HHAT: variants seen among roughly 807,000 people sequenced by gnomAD.
The protein encoded by HHAT is protein-cysteine N-palmitoyltransferase HHAT.
HHAT carries 47 observed loss-of-function variants against 70.8 expected under a neutral mutation model. That is an observed-to-expected ratio of 0.66 (90% CI 0.53 to 0.85). The LOEUF is 0.85. Among genes scored for constraint, HHAT ranks in the 40% least tolerant of loss-of-function variants. The pLI, the probability that HHAT is intolerant of heterozygous loss-of-function variation, is 0.00. For missense variants in HHAT, 609 were observed against 604.8 expected (o/e 1.01, Z -0.07); for synonymous variants, 228 against 247.6 (o/e 0.92, Z 0.74).
At chr1:210,412,629 G>A (rs1431411304) in intron 6 of HHAT, among the ~76,000 whole-genome samples, 1 of 152,188 alleles carries the variant, frequency 6.6e-6, no homozygotes, top group African/African-American at 2.4e-5. Context: ...TCATTACTCT[G>A]CCCTCCAGGC....
intron 9 of HHAT, among the ~76,000 whole-genome samples, chr1:210,540,465 A>ACG (rs2095417049): frequency 3.0e-5 from 4 of 135,074 alleles, no homozygotes; most frequent in Non-Finnish European, 6.9e-5. Flanking sequence ...ACACACACAC[A>ACG]CACACGCACA....
intron 10 of HHAT, among the ~76,000 whole-genome samples, chr1:210,614,163 T>C (rs1336563994): frequency 6.6e-6 from 1 of 152,172 alleles, no homozygotes; most frequent in Non-Finnish European, 1.5e-5. Flanking sequence ...AGTATTTTAT[T>C]CTTTTTGATG....
At chr1:210,499,083 T>A (rs2094705154) in intron 8 of HHAT, among the ~76,000 whole-genome samples, 1 of 152,128 alleles carries the variant, frequency 6.6e-6, no homozygotes, top group African/African-American at 2.4e-5. Flanking sequence ...AGTTTATTTT[T>A]ATTTTTCCTT....
chr1:210,408,232 G>C (rs1389380780), intron 6 of HHAT, among the ~76,000 whole-genome samples: 1 of 152,208 alleles, frequency 6.6e-6, no homozygotes, highest in Admixed American at 6.5e-5. Context: ...GCCCAGGCTG[G>C]AGTGCAGTGG....
chr1:210,612,106 G>A (rs1403901584), intron 10 of HHAT, among the ~76,000 whole-genome samples: 1 of 152,048 alleles, frequency 6.6e-6, no homozygotes, highest in Non-Finnish European at 1.5e-5. Context: ...TTTGAAAACT[G>A]CATGTATTCA....
chr1:210,419,496 C>T (rs1217500061), intron 7 of HHAT, among the ~76,000 whole-genome samples: 6 of 152,204 alleles, frequency 3.9e-5, no homozygotes, highest in Non-Finnish European at 8.8e-5. Flanking sequence ...TGGCTGACTT[C>T]TGCCTGTGCT....
intron 9 of HHAT, among the ~76,000 whole-genome samples, chr1:210,565,774 T>C (rs1481633285): frequency 6.6e-6 from 1 of 152,148 alleles, no homozygotes; most frequent in Non-Finnish European, 1.5e-5. Flanking sequence ...GACCAAGCAG[T>C]GAAAAGCACC....
intron 8 of HHAT, among the ~76,000 whole-genome samples, chr1:210,511,226 T>TA (rs1372010160): frequency 1.3e-5 from 2 of 152,180 alleles, no homozygotes; most frequent in African/African-American, 4.8e-5. Flanking sequence ...TACAGGTAGA[T>TA]CTCTCCTTAG....
At chr1:210,493,327 G>T (rs2094580661) in intron 8 of HHAT, among the ~76,000 whole-genome samples, 1 of 152,136 alleles carries the variant, frequency 6.6e-6, no homozygotes, top group South Asian at 2.1e-4. Flanking sequence ...AGGGCAGGCT[G>T]GCAGACTGAA....
chr1:210,584,488 G>A (rs1367863327), intron 9 of HHAT, among the ~76,000 whole-genome samples: 2 of 152,126 alleles, frequency 1.3e-5, no homozygotes, highest in African/African-American at 2.4e-5. Flanking sequence ...AGGAGGCAGT[G>A]AATTGTGGCC....
intron 3 of HHAT, among the ~76,000 whole-genome samples, chr1:210,365,772 C>T (rs1019540661): frequency 1.2e-4 from 18 of 151,466 alleles, no homozygotes; most frequent in South Asian, 4.2e-4. Context: ...CACACCACCA[C>T]GCCTGGCCAA....
chr1:210,654,062 C>T (rs1224174703), intron 11 of HHAT, among the ~76,000 whole-genome samples: 2 of 630 alleles, frequency 3.2e-3, no homozygotes, highest in African/African-American at 6.7e-3. Flanking sequence ...AATAGTGTGA[C>T]GGTGGAATAG....
At chr1:210,379,259 C>A (rs1366569508) in intron 3 of HHAT, among the ~76,000 whole-genome samples, 1 of 152,204 alleles carries the variant, frequency 6.6e-6, no homozygotes, top group East Asian at 1.9e-4. Flanking sequence ...GTCTCACAGA[C>A]CATACATTGT....
chr1:210,621,787 C>A (rs529318906), intron 10 of HHAT, among the ~76,000 whole-genome samples: 4 of 152,170 alleles, frequency 2.6e-5, no homozygotes, highest in African/African-American at 7.2e-5. Flanking sequence ...AGTAGAGACA[C>A]CCTACATCAC....
chr1:210,389,422 G>A (rs757389817), intron 4 of HHAT, among the ~76,000 whole-genome samples: 2 of 152,166 alleles, frequency 1.3e-5, no homozygotes, highest in Non-Finnish European at 2.9e-5. Flanking sequence ...TCATGACATG[G>A]TTTGGCTCTG....
At chr1:210,348,200 ACC>A (rs1276199908) in intron 1 of HHAT, among the ~76,000 whole-genome samples, 2 of 152,122 alleles carry the variant, frequency 1.3e-5, no homozygotes, top group Non-Finnish European at 2.9e-5. Context: ...GGAAACATAG[ACC>A]CTGTCTCCAA....
intron 10 of HHAT, among the ~76,000 whole-genome samples, chr1:210,608,757 T>A (rs1666009451): frequency 6.6e-6 from 1 of 151,660 alleles, no homozygotes; most frequent in Non-Finnish European, 1.5e-5. Context: ...AGGCTGGGAG[T>A]CAAAGATCAA....
chr1:210,487,307 A>G (rs2094487414), intron 8 of HHAT, among the ~76,000 whole-genome samples: 1 of 112,222 alleles, frequency 8.9e-6, no homozygotes, highest in South Asian at 2.7e-4. Flanking sequence ...CTCAAAAATA[A>G]TGAAAAGTAA....
intron 9 of HHAT, among the ~76,000 whole-genome samples, chr1:210,513,852 C>T (rs149344735): frequency 1.9e-3 from 289 of 152,276 alleles, no homozygotes; most frequent in Non-Finnish European, 3.5e-3. Flanking sequence ...CGTTAAAATG[C>T]TTGTCAGAAA....
Sources: gnomAD v4.1 joint callset for allele counts (sites outside exome capture counted in the v4.1 genomes callset) on GRCh38, gnomAD v4.1.1 for gene constraint, MANE v1.5 for transcripts, NCBI Gene and HGNC (gene_info 2026-07-23, HGNC 2026-07-21) for gene names.